The following HECTD4 variants were observed in gnomAD, a reference collection of about 807,000 sequenced individuals.
HECTD4 encodes the protein HECT domain E3 ubiquitin protein ligase 4.
HECTD4 carries 114 observed loss-of-function variants against 471.5 expected under a neutral mutation model. That is an observed-to-expected ratio of 0.24 (90% CI 0.21 to 0.28). The LOEUF (loss-of-function observed/expected upper bound fraction) is 0.28. Among genes scored for constraint, HECTD4 ranks in the 10% least tolerant of loss-of-function variants. The probability of loss-of-function intolerance (pLI) is 1.00; values close to 1 mark genes in which losing one functional copy is unlikely to be tolerated. For synonymous variants in HECTD4, 2,012 were observed against 2,256.0 expected (o/e 0.89, Z 3.07); for missense variants, 3,866 against 5,651.5 (o/e 0.68, Z 10.13).
Position 112,176,737 on chromosome 12 carries a change from C to T in HECTD4, c.11364-35G>A, listed in dbSNP as rs920004088. On this transcript the variant is annotated intron_variant, in intron 64 of 75. Transcript: ENST00000682272. ...AAAGCACTGGAATTAGACTAATGCA[C>T]GTTCACACCTCCTCCCGATAGGAAA... 6.5e-6 allele frequency: 9 copies of T among 1,379,912 alleles called. No homozygotes were observed. The African/African-American group carries it at 8.5e-5, about 13-fold the overall frequency. 85.5% of individuals were successfully genotyped at this position (1,379,912 alleles called of 1,614,324 possible).
In HECTD4 at chr12:112,217,189, C is replaced by A; in HGVS notation, c.7081G>T (p.Glu2361Ter). 6.6e-7 allele frequency: 1 copy of A among 1,509,888 alleles called. No homozygotes were observed. Among genetic ancestry groups the A allele is most frequent in the South Asian group, 1.4e-5 (1 of 72,684 alleles). The allele number at this position is 1,509,888 out of a possible 1,614,324, so 93.5% of individuals were successfully genotyped here. A position where few individuals can be genotyped will look rare whatever the true frequency, so the allele number is the denominator to read the frequency against. The stretch of plus-strand genomic sequence containing the variant: ...ACTCGCGAGGGGCTCCAAGTAATCT[C>A]TTTGGGCTGCATCAGGGAGAAAAAC... ...PLQADRRQPK[E>*]ITWSPSRVFP... Residue 2361 changes from glutamate (E) to a stop codon, truncating the protein, a stop_gained, in exon 46 of 76, where the codon GAG becomes TAG. Coordinates refer to ENST00000682272, the MANE Select transcript of HECTD4 (RefSeq NM_001388303.1). LOFTEE classifies it high-confidence loss of function.
chr12:112,354,712 ACACG>A (rs1197240626), intron 1 of HECTD4, among the ~76,000 whole-genome samples: 1 of 152,042 alleles, frequency 6.6e-6, no homozygotes, highest in Non-Finnish European at 1.5e-5. Flanking sequence ...ACACACACAC[ACACG>A]CACGCACAAA....
At chr12:112,282,180 G>A (rs889993363) in intron 8 of HECTD4, among the ~76,000 whole-genome samples, 2 of 152,194 alleles carry the variant, frequency 1.3e-5, no homozygotes, top group South Asian at 2.1e-4. Context: ...TCAGGAGATC[G>A]AGACCATCCT....
intron 13 of HECTD4, 151 bp from the exon 14 acceptor site, chr12:112,267,133 T>C: frequency 1.7e-6 from 1 of 603,084 alleles, no homozygotes; most frequent in South Asian, 2.1e-5. Context: ...CTGGGGTTGA[T>C]TCGGCTGATC....
At chr12:112,346,037 G>A (rs1187982233) in intron 1 of HECTD4, among the ~76,000 whole-genome samples, 1 of 152,208 alleles carries the variant, frequency 6.6e-6, no homozygotes, top group Non-Finnish European at 1.5e-5. Flanking sequence ...GGAATAAGAA[G>A]CTTCCATTCG....
rs192751181 is a variant in HECTD4, at chr12:112,321,196, A to G, written c.178-1454T>C. Among the ~76,000 whole-genome samples, 7 of 152,322 alleles carry G rather than the reference A, an allele frequency of 4.6e-5. No individual in the cohort carries two copies. The East Asian group carries it at 1.3e-3, about 29-fold the overall frequency. On this transcript the variant is annotated intron_variant, in intron 1 of 75. Coordinates refer to ENST00000682272, the MANE Select transcript of HECTD4 (RefSeq NM_001388303.1). ...CCATTATTTTAATTTGTGACATGGTAGAGATTTATCCAATTCATATTAGAT... is the reference window on the plus strand; with the variant it reads ...CCATTATTTTAATTTGTGACATGGTGGAGATTTATCCAATTCATATTAGAT...
At chr12:112,302,404 G>C (rs542401916) in intron 7 of HECTD4, 1 of 753,840 alleles carries the variant, frequency 1.3e-6, no homozygotes, top group African/African-American at 1.7e-5. Flanking sequence ...TAACTGTTTG[G>C]CAGTTCAGGG....
At chr12:112,229,401 GA>G in intron 41 of HECTD4, among the ~76,000 whole-genome samples, 1 of 152,238 alleles carries the variant, frequency 6.6e-6, no homozygotes, top group Middle Eastern at 3.4e-3. Context: ...ATATTTGCAG[GA>G]AAACACTGTT....
At chr12:112,377,839 C>T (rs1475965037) in intron 1 of HECTD4, among the ~76,000 whole-genome samples, 2 of 151,864 alleles carry the variant, frequency 1.3e-5, no homozygotes, top group African/African-American at 4.8e-5. Flanking sequence ...CACTGCACTC[C>T]AGCCTGGGTA....
chr12:112,203,207 G>A (rs1411420870), intron 54 of HECTD4: 2 of 153,372 alleles, frequency 1.3e-5, no homozygotes, highest in Non-Finnish European at 2.9e-5. Flanking sequence ...CTCCCAAAGT[G>A]CTGGGATTAC....
intron 44 of HECTD4, chr12:112,226,422 A>T: frequency 2.4e-6 from 1 of 416,026 alleles, no homozygotes; most frequent in South Asian, 7.3e-5. Flanking sequence ...ACATGGTCCT[A>T]AAGTTAATTG....
At chr12:112,258,958 T>G (rs1209967044) in intron 19 of HECTD4, 154 bp downstream of exon 19, 1 of 700,608 alleles carries the variant, frequency 1.4e-6, no homozygotes, top group African/African-American at 1.8e-5. Flanking sequence ...ATTATTTATT[T>G]TTATGACATG....
intron 1 of HECTD4, among the ~76,000 whole-genome samples, chr12:112,363,414 G>T (rs2036494919): frequency 6.6e-6 from 1 of 151,910 alleles, no homozygotes; most frequent in African/African-American, 2.4e-5. Flanking sequence ...AGTTTTCAAG[G>T]TACTGCTACT....
At chr12:112,202,145 T>C (rs963702009) in intron 54 of HECTD4, among the ~76,000 whole-genome samples, 15 of 152,096 alleles carry the variant, frequency 9.9e-5, no homozygotes, top group East Asian at 1.9e-4. Context: ...CACCAGTCAA[T>C]AGCCCCTCTA....
intron 1 of HECTD4, among the ~76,000 whole-genome samples, chr12:112,364,346 G>A (rs1000280542): frequency 1.3e-5 from 2 of 151,732 alleles, no homozygotes; most frequent in Non-Finnish European, 2.9e-5. Flanking sequence ...GGCGGAGCTT[G>A]CAGTGAGCCG....
intron 1 of HECTD4, among the ~76,000 whole-genome samples, chr12:112,347,025 G>A (rs1415401047): frequency 6.6e-6 from 1 of 152,114 alleles, no homozygotes; most frequent in Admixed American, 6.5e-5. Flanking sequence ...AACAAAATCT[G>A]TGGGTTGAAT....
intron 13 of HECTD4, among the ~76,000 whole-genome samples, chr12:112,268,087 T>C (rs2034321312): frequency 6.6e-6 from 1 of 152,188 alleles, no homozygotes; most frequent in Non-Finnish European, 1.5e-5. Context: ...CCCCTCAAAG[T>C]GCTGGGGATT....
At chr12:112,348,885 G>A (rs2135734633) in intron 1 of HECTD4, among the ~76,000 whole-genome samples, 1 of 152,152 alleles carries the variant, frequency 6.6e-6, no homozygotes, top group Non-Finnish European at 1.5e-5. Flanking sequence ...AGGAAGAGGA[G>A]GAGCAGGTTC....
intron 29 of HECTD4, among the ~76,000 whole-genome samples, chr12:112,245,717 ATTTAAC>A (rs751392575): frequency 6.6e-5 from 10 of 152,254 alleles, no homozygotes; most frequent in South Asian, 2.1e-4. Context: ...GAACTTGTTT[ATTTAAC>A]TTTATCTCTC....
Sources: allele counts gnomAD v4.1 joint callset (sites outside exome capture counted in the v4.1 genomes callset), GRCh38; gene constraint gnomAD v4.1.1; transcripts MANE v1.5; gene names NCBI Gene and HGNC (gene_info 2026-07-23, HGNC 2026-07-21).